The following DOCK7 variants were observed in gnomAD, a reference collection of about 807,000 sequenced individuals.
DOCK7 encodes the protein dedicator of cytokinesis 7.
DOCK7 carries 138 observed loss-of-function variants against 271.0 expected under a neutral mutation model. The ratio of observed to expected loss-of-function variants is 0.51; its 90% CI spans 0.44 to 0.59. DOCK7 has a LOEUF of 0.59. Among genes scored for constraint, DOCK7 ranks in the 20% least tolerant of loss-of-function variants. The pLI, the probability that DOCK7 is intolerant of heterozygous loss-of-function variation, is 0.00. For synonymous variants in DOCK7, 823 were observed against 876.1 expected (o/e 0.94, Z 1.07); for missense variants, 2,066 against 2,592.4 (o/e 0.80, Z 4.41).
intron 31 of DOCK7, among the ~76,000 whole-genome samples, chr1:62,518,087 T>C (rs749919789): frequency 6.6e-6 from 1 of 152,222 alleles, no homozygotes; most frequent in Non-Finnish European, 1.5e-5. Context: ...ACACATAGTA[T>C]ATATTCATAA....
intron 11 of DOCK7, chr1:62,628,341 G>A (rs550014065): frequency 6.6e-6 from 1 of 152,368 alleles, no homozygotes; most frequent in Admixed American, 6.5e-5. Context: ...AACCCCTGCA[G>A]TAAAGCACTG....
intron 48 of DOCK7, chr1:62,457,938 C>T (rs1645395407): frequency 4.6e-6 from 2 of 431,848 alleles, no homozygotes; most frequent in Non-Finnish European, 8.3e-6. Context: ...CCACTTGAGC[C>T]CAGGAGTTCT....
At chr1:62,651,196 C>CA (rs1016203783) in intron 4 of DOCK7, among the ~76,000 whole-genome samples, 3 of 148,208 alleles carry the variant, frequency 2.0e-5, no homozygotes, top group Admixed American at 1.4e-4. Context: ...ATTGCAAGGA[C>CA]AAAAAACCAA....
At chr1:62,582,012 T>C (rs895948519) in intron 16 of DOCK7, among the ~76,000 whole-genome samples, 1 of 152,126 alleles carries the variant, frequency 6.6e-6, no homozygotes, top group African/African-American at 2.4e-5. Flanking sequence ...AAAAGGATCA[T>C]TTGAAAGCAG....
At chr1:62,466,029 A>G (rs1422432577) in intron 48 of DOCK7, among the ~76,000 whole-genome samples, 3 of 152,208 alleles carry the variant, frequency 2.0e-5, no homozygotes, top group Non-Finnish European at 2.9e-5. Context: ...GGATGGTTTG[A>G]TAATTTTAGA....
chr1:62,541,437 A>G (rs932330729), intron 25 of DOCK7, among the ~76,000 whole-genome samples: 4 of 152,168 alleles, frequency 2.6e-5, no homozygotes, highest in African/African-American at 9.7e-5. Flanking sequence ...ACTTATATGT[A>G]GGTTTTCTCC....
At position 62,634,961 on chromosome 1, in the gene DOCK7, A is replaced by AT. The variant is rs778794654; in HGVS notation, c.886-40dup. 3.8e-5 allele frequency: 54 copies of AT among 1,420,764 alleles called. No homozygotes were observed. In the South Asian group the frequency reaches 6.6e-4, roughly 17 times the overall value. The allele number at this position is 1,420,764 out of a possible 1,614,324, so 88.0% of individuals were successfully genotyped here. On this transcript the variant is annotated intron_variant, in intron 8 of 49. Coordinates refer to ENST00000635253, the MANE Select transcript of DOCK7 (RefSeq NM_001367561.1). ...GTATGTTAAACTTTAAAATATGTAC[A>AT]TTTTACAGTGTCTATTTCTTAAAAG... is the stretch of plus-strand genomic sequence containing the variant.
chr1:62,466,448 A>G (rs1645680286), intron 48 of DOCK7, among the ~76,000 whole-genome samples: 1 of 152,242 alleles, frequency 6.6e-6, no homozygotes, highest in Non-Finnish European at 1.5e-5. Context: ...TGGTTGAACA[A>G]CAAAAAGGTC....
intron 4 of DOCK7, among the ~76,000 whole-genome samples, chr1:62,650,663 A>T (rs1395283841): frequency 6.6e-6 from 1 of 152,256 alleles, no homozygotes; most frequent in African/African-American, 2.4e-5. Context: ...TCAAAAGAAG[A>T]CATTTCTGCA....
chr1:62,493,532 A>G lies in DOCK7; in HGVS notation c.5218-685T>C, dbSNP rs1646525960. ...TTTCTTTTGAGTGAAAACTTAAAAGATTATCAAATTATTCTAGAATTTTAG... is the reference window on the plus strand; with the variant it reads ...TTTCTTTTGAGTGAAAACTTAAAAGGTTATCAAATTATTCTAGAATTTTAG... On this transcript the variant is annotated intron_variant, in intron 40 of 49. Transcript: ENST00000635253. Among the ~76,000 whole-genome samples, 3 of 152,312 alleles carry G rather than the reference A, an allele frequency of 2.0e-5. No individual in the cohort carries two copies. In the South Asian group the frequency reaches 6.2e-4, roughly 32 times the overall value.
intron 48 of DOCK7, chr1:62,459,168 C>G (rs1340185960): frequency 6.6e-6 from 1 of 151,646 alleles, no homozygotes; most frequent in Non-Finnish European, 1.5e-5. Context: ...GGTCAAATAT[C>G]CCCTACCAGA....
chr1:62,607,300 C>T (rs1405583885), intron 14 of DOCK7, among the ~76,000 whole-genome samples: 1 of 152,162 alleles, frequency 6.6e-6, no homozygotes. Flanking sequence ...TTCCTCACTT[C>T]TTTATATCCA....
intron 29 of DOCK7, among the ~76,000 whole-genome samples, chr1:62,532,500 T>TA (rs1021155646): frequency 9.9e-5 from 15 of 152,136 alleles, no homozygotes; most frequent in Non-Finnish European, 1.8e-4. Flanking sequence ...TACGGCTAAT[T>TA]AAAAAAATTT....
chr1:62,634,953 AT>A, intron 8 of DOCK7, 31 bp from the exon 9 acceptor site: 1 of 1,491,154 alleles, frequency 6.7e-7, no homozygotes, highest in Non-Finnish European at 9.2e-7. Context: ...AAACTTTAAA[AT>A]ATGTACATTT....
chr1:62,574,749 G>A (rs935226446), intron 18 of DOCK7, among the ~76,000 whole-genome samples: 1 of 151,880 alleles, frequency 6.6e-6, no homozygotes, highest in Non-Finnish European at 1.5e-5. Flanking sequence ...TTTATATTGA[G>A]ACAGAGTCTC....
At chr1:62,636,642 C>T in intron 7 of DOCK7, 39 bp from the exon 8 acceptor site, 2 of 1,478,788 alleles carry the variant, frequency 1.4e-6, no homozygotes, top group Non-Finnish European at 1.9e-6. Context: ...TAAAGATAAA[C>T]ATGAAATACA....
Position 62,633,508 on chromosome 1 carries a change from T to A in DOCK7, c.1106A>T (p.Asp369Val). 1 of 1,611,078 alleles carries A rather than the reference T, an allele frequency of 6.2e-7. No individual in the cohort carries two copies. The highest frequency in any genetic ancestry group is 8.5e-7 in the Non-Finnish European group (1 of 1,177,728). The change falls in exon 10 of 50, where the codon GAT becomes GTT. Residue 369 changes from aspartate to valine, a missense_variant. By Grantham distance (152) the Asp-to-Val change is radical. Coordinates refer to ENST00000635253, the MANE Select transcript of DOCK7 (RefSeq NM_001367561.1). Reference protein sequence around the residue: ...AEPYMIFKEADATKNKEKLEK... With the variant: ...AEPYMIFKEAVATKNKEKLEK... Reference sequence around the variant, plus strand: ...AGCATAACATTCTACCTTGGTGGCATCTGCTTCTTTGAAAATCATATATGG... The same window carrying A: ...AGCATAACATTCTACCTTGGTGGCAACTGCTTCTTTGAAAATCATATATGG...
intron 29 of DOCK7, among the ~76,000 whole-genome samples, chr1:62,534,805 A>C (rs932721203): frequency 6.6e-6 from 1 of 152,058 alleles, no homozygotes; most frequent in Non-Finnish European, 1.5e-5. Flanking sequence ...CAAATTATAA[A>C]TTTTTGGCCA....
chr1:62,542,049 A>AT (rs1645552354), intron 25 of DOCK7, among the ~76,000 whole-genome samples: 2 of 151,726 alleles, frequency 1.3e-5, no homozygotes, highest in South Asian at 2.1e-4. Flanking sequence ...TTTAAAAAAA[A>AT]ATTTTTTTGG....
Sources: allele counts gnomAD v4.1 joint callset (sites outside exome capture counted in the v4.1 genomes callset), GRCh38; gene constraint gnomAD v4.1.1; transcripts MANE v1.5; gene names NCBI Gene and HGNC (gene_info 2026-07-23, HGNC 2026-07-21).